The following GNA14 variants were observed in gnomAD, a reference collection of about 807,000 sequenced individuals.
The protein encoded by GNA14 is guanine nucleotide-binding protein subunit alpha-14.
In GNA14, 50 loss-of-function variants were observed where a neutral mutation model predicts 42.0. That is an observed-to-expected ratio of 1.19 (90% CI 0.95 to 1.51). The LOEUF is 1.51. Among genes scored for constraint, GNA14 ranks in the 40% most tolerant of loss-of-function variants. GNA14 has a pLI of 0.00. For missense variants in GNA14, 473 were observed against 446.2 expected, an observed-to-expected ratio of 1.06 and a Z score of -0.54; for synonymous variants, 173 against 163.1, an observed-to-expected ratio of 1.06 and a Z score of -0.46.
Position 77,601,065 on chromosome 9 carries a change from T to C in GNA14, c.124+46605A>G, listed in dbSNP as rs1389254050. Among the ~76,000 whole-genome samples, 3 of 152,244 alleles carry C rather than the reference T, an allele frequency of 2.0e-5. No homozygotes were observed. In the East Asian group the frequency reaches 5.8e-4, roughly 29 times the overall value. On this transcript the variant is annotated intron_variant, in intron 1 of 6. Coordinates refer to ENST00000341700, the MANE Select transcript of GNA14 (RefSeq NM_004297.4). ...GGAGCTACGGGAAGTTCGCGCCTTG[T>C]GCAGGGGGAGGAGCGTGGGCTCTTC...
At chr9:77,525,186 A>G (rs753027666) in intron 2 of GNA14, among the ~76,000 whole-genome samples, 1 of 152,214 alleles carries the variant, frequency 6.6e-6, no homozygotes, top group Non-Finnish European at 1.5e-5. Context: ...TTTCTGCACT[A>G]CAACAGCAGA....
intron 1 of GNA14, among the ~76,000 whole-genome samples, chr9:77,578,586 T>C (rs1295460013): frequency 1.2e-4 from 18 of 152,248 alleles, no homozygotes; most frequent in Non-Finnish European, 2.9e-5. Flanking sequence ...ATGAGCACCA[T>C]ATGTCTTAAA....
In GNA14 at chr9:77,434,383, G is replaced by T; in HGVS notation, c.449C>A (p.Ser150Ter). 1 of 1,613,914 alleles carries T rather than the reference G, an allele frequency of 6.2e-7. No individual in the cohort carries two copies. Among genetic ancestry groups the T allele is most frequent in the South Asian group, 1.1e-5 (1 of 91,040 alleles). The part of the protein sequence containing the change: ...CYDRRREYQL[S>*]DSAKYYLTDI... ...CTGTACTCACTATTTGGCAGAGTCC[G>T]ACAGCTGGTACTCCCTCCTCCTGTC... Residue 150 changes from serine (S) to a stop codon, truncating the protein, a stop_gained, in exon 3 of 7, where the codon TCG becomes TAG. Transcript: ENST00000341700. LOFTEE classifies it high-confidence loss of function.
At chr9:77,581,015 C>CAT in intron 1 of GNA14, among the ~76,000 whole-genome samples, 1 of 151,450 alleles carries the variant, frequency 6.6e-6, no homozygotes, top group African/African-American at 2.4e-5. Flanking sequence ...CACACACACA[C>CAT]ACACACACAC....
chr9:77,500,013 GATA>G (rs1836939242), intron 2 of GNA14, among the ~76,000 whole-genome samples: 1 of 151,428 alleles, frequency 6.6e-6, no homozygotes, highest in East Asian at 1.9e-4. Context: ...GCAAATTTCT[GATA>G]ATTTCTTTTC....
In GNA14 at chr9:77,529,194, C is replaced by A; in HGVS notation, c.184G>T (p.Gly62Cys). The A allele has an allele frequency of 6.2e-7, 1 of 1,614,002 alleles. No individual in the cohort carries two copies. The highest frequency in any genetic ancestry group is 1.1e-5 in the South Asian group (1 of 91,076). The change falls in exon 2 of 7, where the codon GGT becomes TGT. Residue 62 changes from glycine to cysteine, a missense_variant. Gly to Cys is a radical substitution (Grantham distance 159). Transcript: ENST00000341700. ...CCCTTTCTGTCTTCGTCGCTGTAACCAGACCCATGGATAATTCTCATCTGC... is the reference window on the plus strand; with the variant it reads ...CCCTTTCTGTCTTCGTCGCTGTAACAAGACCCATGGATAATTCTCATCTGC... Reference protein sequence around the residue: ...IKQMRIIHGSGYSDEDRKGFT... With the variant: ...IKQMRIIHGSCYSDEDRKGFT...
chr9:77,565,328 G>A (rs1822950107), intron 1 of GNA14, among the ~76,000 whole-genome samples: 1 of 152,096 alleles, frequency 6.6e-6, no homozygotes, highest in Non-Finnish European at 1.5e-5. Flanking sequence ...CTTAATACTA[G>A]GGGGAAAATA....
intron 2 of GNA14, among the ~76,000 whole-genome samples, chr9:77,475,515 G>A (rs764485204): frequency 2.0e-5 from 3 of 152,040 alleles, no homozygotes; most frequent in African/African-American, 4.8e-5. Flanking sequence ...CTGGTCCTTC[G>A]GTAAAACAGT....
chr9:77,444,709 T>C (rs1013082894), intron 2 of GNA14, among the ~76,000 whole-genome samples: 1 of 152,202 alleles, frequency 6.6e-6, no homozygotes, highest in African/African-American at 2.4e-5. Flanking sequence ...AAGCCCATCA[T>C]TCCCCAGCAC....
chr9:77,524,411 A>G (rs750361251), intron 2 of GNA14, among the ~76,000 whole-genome samples: 5 of 152,246 alleles, frequency 3.3e-5, no homozygotes, highest in Non-Finnish European at 7.3e-5. Flanking sequence ...TTCTACATAC[A>G]TAAGAAAATG....
At chr9:77,623,673 A>C (rs916321498) in intron 1 of GNA14, among the ~76,000 whole-genome samples, 5 of 151,780 alleles carry the variant, frequency 3.3e-5, no homozygotes, top group Non-Finnish European at 5.9e-5. Flanking sequence ...GAGTTGGGGA[A>C]CTCCCTACCC....
At chr9:77,488,692 C>G (rs1037757887) in intron 2 of GNA14, among the ~76,000 whole-genome samples, 4 of 150,696 alleles carry the variant, frequency 2.7e-5, no homozygotes, top group African/African-American at 9.8e-5. Context: ...CTCAAGGCAC[C>G]CTCTAGTGCC....
chr9:77,444,803 C>A (rs1835789288), intron 2 of GNA14, among the ~76,000 whole-genome samples: 2 of 152,184 alleles, frequency 1.3e-5, no homozygotes, highest in South Asian at 4.1e-4. Flanking sequence ...CCCTGATCAC[C>A]TTAGGTCCAG....
At chr9:77,451,338 T>C (rs1332317883) in intron 2 of GNA14, among the ~76,000 whole-genome samples, 2 of 152,256 alleles carry the variant, frequency 1.3e-5, no homozygotes, top group Non-Finnish European at 2.9e-5. Flanking sequence ...TAAATATTTG[T>C]TGTTGTGGAC....
chr9:77,601,520 T>G (rs1021662188), intron 1 of GNA14, among the ~76,000 whole-genome samples: 1 of 152,238 alleles, frequency 6.6e-6, no homozygotes, highest in South Asian at 2.1e-4. Context: ...AATGCATATT[T>G]GTGTAACAAT....
chr9:77,582,932 A>G (rs191996220), intron 1 of GNA14, among the ~76,000 whole-genome samples: 1 of 152,292 alleles, frequency 6.6e-6, no homozygotes, highest in African/African-American at 2.4e-5. Flanking sequence ...GATTAATGGA[A>G]ACCTCACTCT....
At chr9:77,543,874 A>C (rs940722263) in intron 1 of GNA14, among the ~76,000 whole-genome samples, 3 of 152,182 alleles carry the variant, frequency 2.0e-5, no homozygotes, top group African/African-American at 4.8e-5. Context: ...CTAGTTGGTC[A>C]TCTTGCCTCC....
chr9:77,646,846 GTTCT>G (rs1343746908), intron 1 of GNA14, among the ~76,000 whole-genome samples: 1 of 152,228 alleles, frequency 6.6e-6, no homozygotes, highest in African/African-American at 2.4e-5. Context: ...CTTAAACTGT[GTTCT>G]TTCTGTGTTT....
Position 77,647,795 on chromosome 9 carries a change from G to C in GNA14, c.-2C>G. ...GGACAGGCAGCAGCAGCCGGCCATGGTGCGCTCAGCTCAGTACCCGACGGG... is the reference window on the plus strand; with the variant it reads ...GGACAGGCAGCAGCAGCCGGCCATGCTGCGCTCAGCTCAGTACCCGACGGG... On this transcript the variant is annotated 5_prime_UTR_variant, in exon 1 of 7. Transcript: ENST00000341700. The C allele has an allele frequency of 6.2e-7, 1 of 1,607,870 alleles. No individual in the cohort carries two copies. The highest frequency in any genetic ancestry group is 1.1e-5 in the South Asian group (1 of 90,348).
Sources: allele counts gnomAD v4.1 joint callset (sites outside exome capture counted in the v4.1 genomes callset), GRCh38; gene constraint gnomAD v4.1.1; transcripts MANE v1.5; gene names NCBI Gene and HGNC (gene_info 2026-07-23, HGNC 2026-07-21).